DNAH17: variants seen among roughly 807,000 people sequenced by gnomAD.
The protein encoded by DNAH17 is dynein axonemal heavy chain 17.
Under a neutral mutation model 485.6 loss-of-function variants are expected in DNAH17, and 376 were observed. The ratio of observed to expected loss-of-function variants is 0.77; its 90% confidence interval spans 0.71 to 0.84. The LOEUF is 0.84. Ranked by LOEUF, DNAH17 falls within the 40% of genes least tolerant of loss-of-function variation. DNAH17 has a pLI of 0.00. For missense variants in DNAH17, 6,370 were observed against 5,839.3 expected (o/e 1.09, Z -2.96); for synonymous variants, 3,031 against 2,405.9 (o/e 1.26, Z -7.60).
intron 75 of DNAH17, among the ~76,000 whole-genome samples, chr17:78,431,964 G>A (rs1402159107): frequency 6.6e-6 from 1 of 152,028 alleles, no homozygotes; most frequent in Non-Finnish European, 1.5e-5. Flanking sequence ...TTGAGCCCAG[G>A]AGTTTGAGAC....
At chr17:78,467,439 G>A (rs2088525452) in intron 55 of DNAH17, among the ~76,000 whole-genome samples, 1 of 152,278 alleles carries the variant, frequency 6.6e-6, no homozygotes, top group South Asian at 2.1e-4. Context: ...TGAGGGTGCA[G>A]GACAGAGCCG....
At chr17:78,495,129 G>C in intron 38 of DNAH17, 32 bp from the exon 39 acceptor site, 2 of 1,563,466 alleles carry the variant, frequency 1.3e-6, no homozygotes, top group South Asian at 1.2e-5. Context: ...GTGGGCTTCT[G>C]CCCACTCCCT....
chr17:78,452,781 A>G (rs955760565), intron 65 of DNAH17, among the ~76,000 whole-genome samples: 1 of 152,162 alleles, frequency 6.6e-6, no homozygotes, highest in Non-Finnish European at 1.5e-5. Context: ...CCAGACACAA[A>G]AAGACACATG....
intron 22 of DNAH17, among the ~76,000 whole-genome samples, chr17:78,527,246 G>T (rs916854684): frequency 2.6e-5 from 4 of 151,992 alleles, no homozygotes; most frequent in Admixed American, 6.6e-5. Context: ...TTTTAGCTGG[G>T]CGTGATGATA....
intron 68 of DNAH17, 66 bp from the exon 69 acceptor site, chr17:78,449,650 C>T: frequency 1.5e-6 from 2 of 1,316,688 alleles, no homozygotes; most frequent in Non-Finnish European, 2.1e-6. Flanking sequence ...CTCCCCGCCA[C>T]CACTCCCTGC....
At chr17:78,553,964 C>T (rs79879262) in intron 14 of DNAH17, among the ~76,000 whole-genome samples, 22,982 of 151,744 alleles carry the variant, frequency 0.15, 1,940 homozygotes, top group East Asian at 0.33. Context: ...AGCTCAAAAT[C>T]TTTTTTTTAA....
chr17:78,494,824 C>G lies in DNAH17; in HGVS notation c.6043-4G>C. ...TCAGGCCCCAGTCGTAATGATCCTG[C>G]GGGCAGTGGGCACAGGTGGGCAGAC... On this transcript the variant is annotated splice_polypyrimidine_tract_variant and splice_region_variant and intron_variant, in intron 39 of 80. Transcript: ENST00000389840. The G allele has an allele frequency of 6.3e-7, 1 of 1,597,222 alleles. No homozygotes were observed. The highest frequency in any genetic ancestry group is 8.5e-7 in the Non-Finnish European group (1 of 1,169,864).
chr17:78,471,079 A>G (rs1360269324), intron 54 of DNAH17, among the ~76,000 whole-genome samples: 1 of 152,202 alleles, frequency 6.6e-6, no homozygotes, highest in Non-Finnish European at 1.5e-5. Context: ...CTTATCTATA[A>G]TATTTAATTT....
chr17:78,475,988 C>T, intron 52 of DNAH17, 155 bp from the exon 53 acceptor site: 1 of 799,844 alleles, frequency 1.3e-6, no homozygotes, highest in Non-Finnish European at 1.9e-6. Context: ...TGCCGTGGGC[C>T]CAGCAAACCA....
At chr17:78,570,439 C>A (rs953796530) in intron 6 of DNAH17, 67 bp from the exon 7 acceptor site, 78 of 1,534,904 alleles carry the variant, frequency 5.1e-5, no homozygotes, top group Non-Finnish European at 6.4e-5. Flanking sequence ...GGTGTCCCAG[C>A]CCTTCCCTTC....
chr17:78,494,704 G>C lies in DNAH17; in HGVS notation c.6159C>G (p.Asp2053Glu). 1 of 1,613,900 alleles carries C rather than the reference G, an allele frequency of 6.2e-7. No homozygotes were observed. Among genetic ancestry groups the C allele is most frequent in the South Asian group, 1.1e-5 (1 of 91,084 alleles). The change falls in exon 40 of 81, where the codon GAC becomes GAG. Residue 2053 changes from aspartate to glutamate, a missense_variant. Transcript: ENST00000389840. ...CTGTCACAATCTTGGGGATGTTGAA[G>C]TCTCTCAGCGCCCGCATGAGCACCT... ...EDQVLMRALR[D>E]FNIPKIVTDD...
chr17:78,569,657 C>T, intron 7 of DNAH17, 130 bp from the exon 8 acceptor site: 2 of 1,208,642 alleles, frequency 1.7e-6, no homozygotes, highest in Non-Finnish European at 2.2e-6. Context: ...TCCTATCTGC[C>T]CACTGCTGGG....
intron 18 of DNAH17, among the ~76,000 whole-genome samples, chr17:78,538,598 C>T (rs1311031882): frequency 6.6e-6 from 1 of 152,180 alleles, no homozygotes; most frequent in Non-Finnish European, 1.5e-5. Flanking sequence ...TCTCTAAAGA[C>T]TCAGGTCGGC....
In DNAH17 at chr17:78,460,168, C is replaced by CAG; in HGVS notation, c.9427_9428dup (p.Asn3144Ter). 1 of 1,605,732 alleles carries CAG rather than the reference C, an allele frequency of 6.2e-7. No homozygotes were observed. On this transcript the variant is annotated frameshift_variant, in exon 59 of 81. Coordinates refer to ENST00000389840, the MANE Select transcript of DNAH17 (RefSeq NM_173628.4). LOFTEE classifies it high-confidence loss of function. ...TCTTTCCCTCCCCCTTTACCTTATT[C>CAG]AGAGTGTCCAGAGCCTCCTGGGCTG...
Position 78,574,707 on chromosome 17 carries a change from A to C in DNAH17, c.345+6T>G. On this transcript the variant is annotated splice_donor_region_variant and intron_variant, in intron 2 of 80. Transcript: ENST00000389840. ...ACACCCCGGATGGCAGCCTGGACGC[A>C]CTCACCTCCTCCACCACCGCGATCA... 1.3e-6 allele frequency: 2 copies of C among 1,591,802 alleles called. No individual in the cohort carries two copies. The highest frequency in any genetic ancestry group is 1.7e-6 in the Non-Finnish European group (2 of 1,166,798).
chr17:78,544,742 A>C (rs1401922794), intron 16 of DNAH17, among the ~76,000 whole-genome samples: 1 of 134,524 alleles, frequency 7.4e-6, no homozygotes, highest in Non-Finnish European at 1.5e-5. Flanking sequence ...CAGAGCTTGC[A>C]GTGAGCCGAG....
In DNAH17 at chr17:78,500,971, G is replaced by A. The variant is rs532182736; in HGVS notation, c.5483+213C>T. The A allele has an allele frequency of 4.1e-5, 19 of 459,884 alleles. No homozygotes were observed. In the South Asian group the frequency reaches 1.1e-3, roughly 26 times the overall value. 28.5% of individuals were successfully genotyped at this position (459,884 alleles called of 1,614,324 possible). On this transcript the variant is annotated intron_variant, in intron 35 of 80. Transcript: ENST00000389840. Reference sequence around the variant, plus strand: ...ATAAAACATGACCCCAACTCAGCAGGCCCACAGAGGGGTGCAGGAACTCTC... The same window carrying A: ...ATAAAACATGACCCCAACTCAGCAGACCCACAGAGGGGTGCAGGAACTCTC...
rs1400794821 is a variant in DNAH17 at position 78,500,462 on chromosome 17, C to T, written c.5484-1G>A. 4 of 1,566,102 alleles carry T rather than the reference C, an allele frequency of 2.6e-6. No homozygotes were observed. Among genetic ancestry groups the T allele is most frequent in the Non-Finnish European group, 3.5e-6 (4 of 1,159,326 alleles). ...GGACTGGGTCAGGGTGATATAGCAC[C>T]TGCAAGTGACCACAGGTAAGCGTGT... On this transcript the variant is annotated splice_acceptor_variant, in intron 35 of 80. Coordinates refer to ENST00000389840, the MANE Select transcript of DNAH17 (RefSeq NM_173628.4). LOFTEE classifies it high-confidence loss of function.
At position 78,423,760 on chromosome 17, in the gene DNAH17, C is replaced by T. The variant is rs542698237; in HGVS notation, c.*146G>A. On this transcript the variant is annotated 3_prime_UTR_variant, in exon 81 of 81. Transcript: ENST00000389840. ...CACACCAACCTCCACCCTCTGGTTCCGATGTGCTTGGTTACAAAGCACCTG... is the reference window on the plus strand; with the variant it reads ...CACACCAACCTCCACCCTCTGGTTCTGATGTGCTTGGTTACAAAGCACCTG... 1.1e-4 allele frequency: 115 copies of T among 1,075,944 alleles called. No individual in the cohort carries two copies. The highest frequency in any genetic ancestry group is 1.3e-4 in the Non-Finnish European group (98 of 742,260). 66.6% of individuals were successfully genotyped at this position (1,075,944 alleles called of 1,614,324 possible).
Sources: allele counts gnomAD v4.1 joint callset (sites outside exome capture counted in the v4.1 genomes callset), GRCh38; gene constraint gnomAD v4.1.1; transcripts MANE v1.5; gene names NCBI Gene and HGNC (gene_info 2026-07-23, HGNC 2026-07-21).